Variants in HHAT observed in about 807,000 individuals in gnomAD.
The protein encoded by HHAT is hedgehog acyltransferase, also known as protein-cysteine N-palmitoyltransferase HHAT.
A neutral mutation model predicts 70.8 loss-of-function variants in HHAT; 47 were observed. That is an observed-to-expected ratio of 0.66 (90% confidence interval 0.53 to 0.85). HHAT has a LOEUF of 0.85. Among genes scored for constraint, HHAT ranks in the 40% least tolerant of loss-of-function variants. The probability of loss-of-function intolerance (pLI) is 0.00; values close to 1 mark genes in which losing one functional copy is unlikely to be tolerated. For missense variants in HHAT, 609 were observed against 604.8 expected (o/e 1.01, Z -0.07); for synonymous variants, 228 against 247.6 (o/e 0.92, Z 0.74).
chr1:210,411,850 A>C (rs1389820155), intron 6 of HHAT, among the ~76,000 whole-genome samples: 1 of 152,148 alleles, frequency 6.6e-6, no homozygotes, highest in African/African-American at 2.4e-5. Flanking sequence ...TACATGTCTT[A>C]ACCTTGGTGT....
intron 7 of HHAT, among the ~76,000 whole-genome samples, chr1:210,428,969 ACT>A (rs1160732191): frequency 2.6e-5 from 4 of 151,686 alleles, no homozygotes; most frequent in African/African-American, 9.8e-5. Context: ...ACAGAGTGAG[ACT>A]CTGTCCCTCG....
intron 1 of HHAT, among the ~76,000 whole-genome samples, chr1:210,343,421 G>T (rs1389267548): frequency 3.9e-5 from 6 of 152,168 alleles, no homozygotes; most frequent in Non-Finnish European, 8.8e-5. Flanking sequence ...AGTAGTAACA[G>T]TAGTGACTGT....
Position 210,676,179 on chromosome 1 carries a change from C to G in HHAT, c.*1800C>G, listed in dbSNP as rs1299441073. On this transcript the variant is annotated 3_prime_UTR_variant, in exon 12 of 12. Coordinates refer to ENST00000261458, the MANE Select transcript of HHAT (RefSeq NM_018194.6). ...CAAATAGGTTTATTCATTCATTAAA[C>G]TACTTTGGAAGCGTCAGTGGATATA... 5 of 152,164 alleles carry G rather than the reference C, an allele frequency of 3.3e-5. No homozygotes were observed. Among genetic ancestry groups the G allele is most frequent in the African/African-American group, 4.8e-5 (2 of 41,428 alleles). The allele number at this position is 152,164 out of a possible 1,614,324, so 9.4% of individuals were successfully genotyped here. A position where few individuals can be genotyped will look rare whatever the true frequency, so the allele number is the denominator to read the frequency against.
chr1:210,613,430 C>T (rs999528097), intron 10 of HHAT, among the ~76,000 whole-genome samples: 2 of 152,110 alleles, frequency 1.3e-5, no homozygotes, highest in South Asian at 2.1e-4. Flanking sequence ...ACTATTTAAC[C>T]GTATATAAGG....
intron 7 of HHAT, among the ~76,000 whole-genome samples, chr1:210,429,396 G>A (rs140002327): frequency 2.1e-3 from 313 of 151,792 alleles, no homozygotes; most frequent in Non-Finnish European, 3.4e-3. Context: ...AGTCTACTTC[G>A]ATCTAGAATA....
chr1:210,616,265 A>G (rs570588047), intron 10 of HHAT, among the ~76,000 whole-genome samples: 13 of 152,352 alleles, frequency 8.5e-5, no homozygotes, highest in Non-Finnish European at 1.9e-4. Context: ...ACTGTGTTGT[A>G]CAATAGATTA....
rs569496064 is a variant in HHAT at position 210,415,152 on chromosome 1, C to A, written c.685-3002C>A. ...CATTGAATAAAAGTAGTTTTCATGA[C>A]CATACAATATTGAGGTACACACATG... On this transcript the variant is annotated intron_variant, in intron 6 of 11. Coordinates refer to ENST00000261458, the MANE Select transcript of HHAT (RefSeq NM_018194.6). Among the ~76,000 whole-genome samples, 4 of 152,280 alleles carry A rather than the reference C, an allele frequency of 2.6e-5. No individual in the cohort carries two copies. The East Asian group carries it at 7.7e-4, about 29-fold the overall frequency.
chr1:210,355,662 C>T lies in HHAT; in HGVS notation c.91+6596C>T, dbSNP rs150871467. On this transcript the variant is annotated intron_variant, in intron 2 of 11. Transcript: ENST00000261458. ...GTTGGCCTGTAATTTTGTTTTGTCT[C>T]ATCCCCAAATTTCAATCTTGATATC... Among the ~76,000 whole-genome samples the T allele has an allele frequency of 2.0e-3, 311 of 152,268 alleles. 11 individuals are homozygous for T. Among genetic ancestry groups the T allele is most frequent in the Non-Finnish European group, 7.9e-4 (54 of 68,012 alleles).
intron 10 of HHAT, among the ~76,000 whole-genome samples, chr1:210,599,883 C>G (rs1262816429): frequency 6.6e-6 from 1 of 152,160 alleles, no homozygotes; most frequent in Non-Finnish European, 1.5e-5. Flanking sequence ...TCTGATCTTT[C>G]ACTTACTGCC....
chr1:210,392,493 T>A (rs1572110495), intron 4 of HHAT, among the ~76,000 whole-genome samples: 1 of 152,178 alleles, frequency 6.6e-6, no homozygotes, highest in Admixed American at 6.5e-5. Context: ...TGTTTATATC[T>A]CTTCATGTAC....
chr1:210,361,424 T>G (rs1228597564), intron 2 of HHAT, among the ~76,000 whole-genome samples: 1 of 152,172 alleles, frequency 6.6e-6, no homozygotes, highest in Non-Finnish European at 1.5e-5. Flanking sequence ...CCAGATCACT[T>G]GGATTGCACT....
At chr1:210,553,303 G>T (rs1038987474) in intron 9 of HHAT, among the ~76,000 whole-genome samples, 1 of 152,086 alleles carries the variant, frequency 6.6e-6, no homozygotes, top group Non-Finnish European at 1.5e-5. Flanking sequence ...TGTCAACTTG[G>T]CTCCCCACTT....
chr1:210,661,996 A>T lies in HHAT; in HGVS notation c.1391-12292A>T, dbSNP rs769687399. On this transcript the variant is annotated intron_variant, in intron 11 of 11. Transcript: ENST00000261458. Reference sequence around the variant, plus strand: ...CTTAAAGTATAATTTAAAAAAATTTAAAAAATTAATAAAATAAAATCTGCT... The same window carrying T: ...CTTAAAGTATAATTTAAAAAAATTTTAAAAATTAATAAAATAAAATCTGCT... Among the ~76,000 whole-genome samples, 13 of 151,812 alleles carry T rather than the reference A, an allele frequency of 8.6e-5. No homozygotes were observed. The East Asian group carries it at 9.6e-4, about 11-fold the overall frequency.
intron 10 of HHAT, among the ~76,000 whole-genome samples, chr1:210,593,309 G>T (rs532387669): frequency 6.6e-6 from 1 of 152,158 alleles, no homozygotes; most frequent in East Asian, 1.9e-4. Flanking sequence ...TGATGTAGGT[G>T]CCTATAGCTA....
chr1:210,480,629 C>T (rs1448213620), intron 8 of HHAT, among the ~76,000 whole-genome samples: 2 of 152,156 alleles, frequency 1.3e-5, no homozygotes, highest in East Asian at 3.9e-4. Context: ...CATCCTGCAC[C>T]CCTTGCTGTC....
In HHAT at chr1:210,387,633, G is replaced by A. The variant is rs756859987; in HGVS notation, c.273+52G>A. 5 of 1,417,072 alleles carry A rather than the reference G, an allele frequency of 3.5e-6. No homozygotes were observed. In the Admixed American group the frequency reaches 8.9e-5, roughly 25 times the overall value. 87.8% of individuals were successfully genotyped at this position (1,417,072 alleles called of 1,614,324 possible). ...TAAGTGTGTTTTTCCTTTGCTTCTT[G>A]TGAAGAAAGAGTCCAAGCTAGGAAT... On this transcript the variant is annotated intron_variant, in intron 4 of 11. Transcript: ENST00000261458.
chr1:210,412,523 A>G (rs145422266), intron 6 of HHAT, among the ~76,000 whole-genome samples: 4 of 152,162 alleles, frequency 2.6e-5, no homozygotes, highest in Non-Finnish European at 5.9e-5. Flanking sequence ...TAGGATGGAC[A>G]CTCCAATTCC....
At chr1:210,359,734 G>A (rs1243073088) in intron 2 of HHAT, among the ~76,000 whole-genome samples, 1 of 152,150 alleles carries the variant, frequency 6.6e-6, no homozygotes, top group Non-Finnish European at 1.5e-5. Flanking sequence ...GGGCATAGTG[G>A]TGCACACCTG....
intron 11 of HHAT, among the ~76,000 whole-genome samples, chr1:210,632,324 G>A (rs931446235): frequency 4.6e-5 from 7 of 152,148 alleles, no homozygotes; most frequent in Admixed American, 1.3e-4. Context: ...TCGAGTATGC[G>A]GACACACAAG....
Sources: allele counts gnomAD v4.1 joint callset (sites outside exome capture counted in the v4.1 genomes callset), GRCh38; gene constraint gnomAD v4.1.1; transcripts MANE v1.5; gene names NCBI Gene and HGNC (gene_info 2026-07-23, HGNC 2026-07-21).